Variants in EVI5 observed in about 807,000 individuals in gnomAD.
EVI5 encodes the protein ecotropic viral integration site 5, also known as ecotropic viral integration site 5 protein homolog.
In EVI5, 73 loss-of-function variants were observed where a neutral mutation model predicts 112.0. The observed-to-expected ratio is 0.65, with a 90% CI of 0.54 to 0.79. The LOEUF is 0.79. Among genes scored for constraint, EVI5 ranks in the 30% least tolerant of loss-of-function variants. EVI5 has a pLI of 0.00. For synonymous variants in EVI5, 305 were observed against 319.9 expected (o/e 0.95, Z 0.50); for missense variants, 900 against 968.8 (o/e 0.93, Z 0.94).
At chr1:92,663,034 C>G (rs932475541) in intron 12 of EVI5, among the ~76,000 whole-genome samples, 169 bp from the exon 13 acceptor site, 1 of 151,088 alleles carries the variant, frequency 6.6e-6, no homozygotes, top group Admixed American at 6.6e-5. Context: ...ATTGCTCCAG[C>G]AAATTTTCGG....
chr1:92,536,910 C>T (rs185272638), intron 19 of EVI5, among the ~76,000 whole-genome samples: 1 of 152,136 alleles, frequency 6.6e-6, no homozygotes, highest in African/African-American at 2.4e-5. Flanking sequence ...TCAATTTTAA[C>T]ATTGGGGTAA....
At chr1:92,540,248 T>C (rs1178184707) in intron 19 of EVI5, among the ~76,000 whole-genome samples, 2 of 152,236 alleles carry the variant, frequency 1.3e-5, no homozygotes, top group African/African-American at 4.8e-5. Flanking sequence ...TGTTTACCAT[T>C]TGAGGACCTG....
In EVI5 at chr1:92,563,718, T is replaced by G. The variant is rs138806513; in HGVS notation, c.2090A>C (p.Gln697Pro). The G allele has an allele frequency of 6.2e-5, 99 of 1,606,188 alleles. 1 individual carries two copies. The highest frequency in any genetic ancestry group is 1.9e-4 in the South Asian group (17 of 89,974). The change falls in exon 19 of 20, where the codon CAA becomes CCA. Residue 697 changes from glutamine to proline, a missense_variant. Physicochemically the swap from Gln to Pro is moderately conservative, Grantham distance 76. Coordinates refer to ENST00000684568, the MANE Select transcript of EVI5 (RefSeq NM_001350197.2). Reference protein sequence around the residue: ...LEIQKEEGKLQGQLNKSDSNQ... With the variant: ...LEIQKEEGKLPGQLNKSDSNQ... ...AGAATCAGACTTGTTAAGCTGTCCT[T>G]GAAGCTTTCCTTCTTCTTTCTGTTT...
intron 2 of EVI5, among the ~76,000 whole-genome samples, chr1:92,733,756 T>C (rs2102791002): frequency 6.6e-6 from 1 of 152,256 alleles, no homozygotes; most frequent in South Asian, 2.1e-4. Flanking sequence ...GTGTTTTAAC[T>C]ATGTGCTGAT....
intron 19 of EVI5, among the ~76,000 whole-genome samples, chr1:92,526,033 T>C (rs1661812334): frequency 6.6e-6 from 1 of 150,544 alleles, no homozygotes; most frequent in South Asian, 2.1e-4. Context: ...TTCTGGCTTC[T>C]AGAACAATGG....
chr1:92,517,498 A>T (rs1451525664), intron 19 of EVI5, among the ~76,000 whole-genome samples: 6 of 152,182 alleles, frequency 3.9e-5, no homozygotes, highest in Non-Finnish European at 7.3e-5. Flanking sequence ...AGACAGAAAA[A>T]AGTTGATTTA....
intron 2 of EVI5, among the ~76,000 whole-genome samples, chr1:92,722,925 G>A (rs894523997): frequency 6.6e-6 from 1 of 152,174 alleles, no homozygotes; most frequent in Non-Finnish European, 1.5e-5. Context: ...AGTGCTGAGA[G>A]CCAAAGAAAA....
At chr1:92,677,076 TAAG>T (rs1417767114) in intron 10 of EVI5, 79 bp downstream of exon 10, 8 of 837,612 alleles carry the variant, frequency 9.6e-6, no homozygotes, top group Admixed American at 2.4e-5. Flanking sequence ...TTTATGAATA[TAAG>T]AAGTACAAAC....
intron 19 of EVI5, among the ~76,000 whole-genome samples, chr1:92,535,350 T>TG (rs1327386680): frequency 3.3e-5 from 5 of 152,160 alleles, no homozygotes; most frequent in African/African-American, 1.2e-4. Context: ...GTCAGTGTGG[T>TG]GATTCCTCAA....
chr1:92,656,473 G>A (rs550983392), intron 13 of EVI5, among the ~76,000 whole-genome samples: 4 of 151,574 alleles, frequency 2.6e-5, no homozygotes, highest in East Asian at 1.9e-4. Context: ...ACCTGGCATC[G>A]TACCTCAAGA....
chr1:92,702,713 G>A (rs1201351229), intron 4 of EVI5, among the ~76,000 whole-genome samples: 2 of 151,678 alleles, frequency 1.3e-5, no homozygotes, highest in Non-Finnish European at 2.9e-5. Context: ...GGCTGAGGCA[G>A]GAGAATTGCT....
At chr1:92,735,654 T>TGACA (rs397946549) in intron 2 of EVI5, among the ~76,000 whole-genome samples, 1 of 11,522 alleles carries the variant, frequency 8.7e-5, no homozygotes, top group Non-Finnish European at 1.8e-4. Flanking sequence ...ATATATATAA[T>TGACA]TATATAATTC....
At position 92,579,748 on chromosome 1, in the gene EVI5, C is replaced by G. The variant is rs938837296; in HGVS notation, c.2071-16011G>C. ...AAAAAACAAAAGAAAGATATGAGCT[C>G]TCAAACTCCTGGGTTCAAGTGATCC... is the stretch of plus-strand genomic sequence containing the variant. On this transcript the variant is annotated intron_variant, in intron 18 of 19. Coordinates refer to ENST00000684568, the MANE Select transcript of EVI5 (RefSeq NM_001350197.2). Among the ~76,000 whole-genome samples the G allele has an allele frequency of 3.3e-5, 5 of 152,144 alleles. No homozygotes were observed. In the South Asian group the frequency reaches 1.0e-3, roughly 32 times the overall value.
intron 9 of EVI5, among the ~76,000 whole-genome samples, chr1:92,681,380 G>A (rs1019200211): frequency 6.6e-6 from 1 of 152,096 alleles, no homozygotes; most frequent in Admixed American, 6.5e-5. Flanking sequence ...GGATAATAAA[G>A]CAAATGGGAT....
At chr1:92,539,404 G>A (rs1252952801) in intron 19 of EVI5, among the ~76,000 whole-genome samples, 2 of 151,876 alleles carry the variant, frequency 1.3e-5, no homozygotes, top group Non-Finnish European at 3.0e-5. Flanking sequence ...TTAGCCGGGT[G>A]TAGTGGCGGG....
Position 92,605,190 on chromosome 1 carries a change from T to C in EVI5, c.2070+117A>G, listed in dbSNP as rs1650090732. ...TACCACAATAAAAAAAAATTGGAAATGAATGATTACTGAAAAAAGAATCAC... is the reference window on the plus strand; with the variant it reads ...TACCACAATAAAAAAAAATTGGAAACGAATGATTACTGAAAAAAGAATCAC... On this transcript the variant is annotated intron_variant, in intron 18 of 19. Coordinates refer to ENST00000684568, the MANE Select transcript of EVI5 (RefSeq NM_001350197.2). 8.2e-6 allele frequency: 6 copies of C among 735,010 alleles called. No homozygotes were observed. The East Asian group carries it at 1.5e-4, about 19-fold the overall frequency. 45.5% of individuals were successfully genotyped at this position (735,010 alleles called of 1,614,324 possible).
At chr1:92,546,569 G>T (rs532671712) in intron 19 of EVI5, among the ~76,000 whole-genome samples, 2 of 152,034 alleles carry the variant, frequency 1.3e-5, no homozygotes, top group African/African-American at 2.4e-5. Flanking sequence ...GGTGGCACAC[G>T]CATGTAATAC....
intron 1 of EVI5, among the ~76,000 whole-genome samples, chr1:92,764,475 C>A (rs535263570): frequency 1.1e-3 from 164 of 152,328 alleles, no homozygotes; most frequent in African/African-American, 3.6e-3. Context: ...AACTTCCTCT[C>A]CCTGGTCCAA....
chr1:92,719,000 A>C (rs1674279181), intron 2 of EVI5, among the ~76,000 whole-genome samples: 1 of 152,238 alleles, frequency 6.6e-6, no homozygotes, highest in Admixed American at 6.5e-5. Context: ...ACCAGGAAGA[A>C]GCCGAATCTC....
Sources: gnomAD v4.1 joint callset for allele counts (sites outside exome capture counted in the v4.1 genomes callset) on GRCh38, gnomAD v4.1.1 for gene constraint, MANE v1.5 for transcripts, NCBI Gene and HGNC (gene_info 2026-07-23, HGNC 2026-07-21) for gene names.